PDE10A: variants seen among roughly 807,000 people sequenced by gnomAD.
The protein encoded by PDE10A is phosphodiesterase 10A, also known as cAMP and cAMP-inhibited cGMP 3',5'-cyclic phosphodiesterase 10A.
Under a neutral mutation model 97.7 loss-of-function variants are expected in PDE10A, and 39 were observed. The observed-to-expected ratio is 0.40, with a 90% CI of 0.31 to 0.52. The LOEUF is 0.52. Ranked by LOEUF, PDE10A falls within the 20% of genes least tolerant of loss-of-function variation. PDE10A has a pLI of 0.56. For synonymous variants in PDE10A, 371 were observed against 376.8 expected, an observed-to-expected ratio of 0.98 and a Z score of 0.18; for missense variants, 731 against 1,047.8, an observed-to-expected ratio of 0.70 and a Z score of 4.17.
chr6:165,847,795 A>G (rs1780461051), intron 1 of PDE10A, among the ~76,000 whole-genome samples: 1 of 152,202 alleles, frequency 6.6e-6, no homozygotes, highest in Admixed American at 6.5e-5. Flanking sequence ...AGATAAGAAC[A>G]AAGTTAACTT....
intron 18 of PDE10A, among the ~76,000 whole-genome samples, chr6:165,372,390 C>T (rs1476031844): frequency 2.0e-5 from 3 of 147,456 alleles, no homozygotes; most frequent in Non-Finnish European, 4.5e-5. Flanking sequence ...TCTCAGGATA[C>T]AAAATCAATG....
At chr6:165,435,145 CTA>C in intron 6 of PDE10A, 90 bp downstream of exon 6, 2 of 1,138,290 alleles carry the variant, frequency 1.8e-6, no homozygotes, top group Non-Finnish European at 2.5e-6. Context: ...TAAAATGAAA[CTA>C]TTTAAATTAT....
At chr6:165,955,739 G>T (rs956438140) in intron 1 of PDE10A, among the ~76,000 whole-genome samples, 5 of 152,142 alleles carry the variant, frequency 3.3e-5, no homozygotes, top group Non-Finnish European at 5.9e-5. Context: ...AGAATTTAAA[G>T]AACTTAAATT....
intron 1 of PDE10A, among the ~76,000 whole-genome samples, chr6:165,575,388 T>A (rs996477572): frequency 3.9e-5 from 6 of 152,196 alleles, no homozygotes; most frequent in Non-Finnish European, 7.3e-5. Flanking sequence ...TGACCTAGCC[T>A]TTTGTTACTC....
At chr6:165,713,998 A>ACACT (rs1255564742) in intron 1 of PDE10A, among the ~76,000 whole-genome samples, 2 of 152,222 alleles carry the variant, frequency 1.3e-5, no homozygotes, top group Non-Finnish European at 2.9e-5. Context: ...GTTGATGCAT[A>ACACT]CACTGCCCAT....
chr6:165,731,694 T>G (rs1206769246), intron 1 of PDE10A, among the ~76,000 whole-genome samples: 1 of 152,214 alleles, frequency 6.6e-6, no homozygotes, highest in Non-Finnish European at 1.5e-5. Context: ...AGGGTTGCCA[T>G]GAGGCCTATG....
intron 2 of PDE10A, among the ~76,000 whole-genome samples, chr6:165,542,037 T>C (rs1783470497): frequency 6.6e-6 from 1 of 152,206 alleles, no homozygotes; most frequent in Admixed American, 6.5e-5. Context: ...TTTTTATTCA[T>C]TGCTATTAGA....
At chr6:165,946,615 A>T (rs780942332) in intron 1 of PDE10A, among the ~76,000 whole-genome samples, 1 of 152,196 alleles carries the variant, frequency 6.6e-6, no homozygotes, top group Non-Finnish European at 1.5e-5. Context: ...GCAGTTATGT[A>T]TATGTTAGTT....
In PDE10A at chr6:165,971,488, T is replaced by G. The variant is rs150506064; in HGVS notation, c.-615+16041A>C. ...AAAATAAACTCTTGCCCATCATCCA[T>G]TGCCACTTTCTGGGTCTTTGCACAC... On this transcript the variant is annotated intron_variant, in intron 1 of 19. Coordinates refer to the PDE10A transcript ENST00000366882. Among the ~76,000 whole-genome samples, 15 of 152,308 alleles carry G rather than the reference T, an allele frequency of 9.8e-5. No homozygotes were observed. The East Asian group carries it at 2.7e-3, about 27-fold the overall frequency.
At chr6:165,530,252 T>A (rs1367460191) in intron 2 of PDE10A, among the ~76,000 whole-genome samples, 1 of 146,828 alleles carries the variant, frequency 6.8e-6, no homozygotes, top group African/African-American at 2.5e-5. Flanking sequence ...ATACTTTAAG[T>A]AAAATCCTCT....
At chr6:165,640,153 T>C (rs970498447) in intron 1 of PDE10A, among the ~76,000 whole-genome samples, 1 of 151,980 alleles carries the variant, frequency 6.6e-6, no homozygotes, top group Non-Finnish European at 1.5e-5. Context: ...CCCATTAGGG[T>C]ATAGGAAATG....
At chr6:165,497,241 T>G (rs1324265366) in intron 2 of PDE10A, among the ~76,000 whole-genome samples, 1 of 152,202 alleles carries the variant, frequency 6.6e-6, no homozygotes, top group Non-Finnish European at 1.5e-5. Context: ...TCTTTTGTAC[T>G]TAATTATATA....
intron 1 of PDE10A, among the ~76,000 whole-genome samples, chr6:165,977,010 C>T (rs1784869868): frequency 2.0e-5 from 3 of 152,150 alleles, no homozygotes; most frequent in Admixed American, 2.0e-4. Context: ...AGGCTGGAGC[C>T]AAATGTGAAG....
chr6:165,465,516 T>C (rs1778587297), intron 3 of PDE10A, among the ~76,000 whole-genome samples: 1 of 152,172 alleles, frequency 6.6e-6, no homozygotes. Flanking sequence ...GGCACTGTAT[T>C]AGTTCCTTCT....
intron 1 of PDE10A, among the ~76,000 whole-genome samples, chr6:165,776,201 A>G (rs949884454): frequency 4.6e-5 from 7 of 152,264 alleles, no homozygotes; most frequent in African/African-American, 1.7e-4. Flanking sequence ...GGTTAATTAT[A>G]TAAATCAAGC....
At chr6:165,779,604 A>G (rs1435762048) in intron 1 of PDE10A, among the ~76,000 whole-genome samples, 1 of 152,158 alleles carries the variant, frequency 6.6e-6, no homozygotes, top group Admixed American at 6.5e-5. Context: ...ATATTGTTTA[A>G]TTATTTGGGG....
chr6:165,773,289 A>G (rs1562729341), intron 1 of PDE10A: 1 of 152,240 alleles, frequency 6.6e-6, no homozygotes, highest in Non-Finnish European at 1.5e-5. Flanking sequence ...AACGTTCAAC[A>G]GAAAGTTTTC....
intron 1 of PDE10A, among the ~76,000 whole-genome samples, chr6:165,846,036 C>T (rs532810931): frequency 1.1e-4 from 17 of 152,242 alleles, no homozygotes; most frequent in African/African-American, 3.9e-4. Flanking sequence ...CGGGTTGATG[C>T]TTTAGGGCAG....
At chr6:165,374,147 G>A (rs1298680965) in intron 18 of PDE10A, among the ~76,000 whole-genome samples, 1 of 149,874 alleles carries the variant, frequency 6.7e-6, no homozygotes, top group African/African-American at 2.5e-5. Context: ...GAATTAATGG[G>A]TGCAGCACAC....
Sources: allele counts gnomAD v4.1 joint callset (sites outside exome capture counted in the v4.1 genomes callset), GRCh38; gene constraint gnomAD v4.1.1; transcripts MANE v1.5; gene names NCBI Gene and HGNC (gene_info 2026-07-23, HGNC 2026-07-21).